MSN: variants seen among roughly 807,000 people sequenced by gnomAD.
MSN encodes moesin.
In MSN, 2 loss-of-function variants were observed where a neutral mutation model predicts 48.0. That is an observed-to-expected ratio of 0.04 (90% CI 0.02 to 0.13). The LOEUF is 0.13. Ranked by LOEUF, MSN falls within the 10% of genes least tolerant of loss-of-function variation. The probability of loss-of-function intolerance (pLI) is 1.00; values close to 1 mark genes in which losing one functional copy is unlikely to be tolerated. For missense variants in MSN, 267 were observed against 470.1 expected, an observed-to-expected ratio of 0.57 and a Z score of 3.99; for synonymous variants, 146 against 166.9, an observed-to-expected ratio of 0.87 and a Z score of 0.97.
chrX:65,672,944 T>G (rs147573051), intron 1 of MSN, among the ~76,000 whole-genome samples: 1,798 of 111,773 alleles, frequency 0.016, 46 homozygotes, highest in African/African-American at 0.055. Context: ...CTTATTAAAA[T>G]GTATCCTCTT....
intron 1 of MSN, among the ~76,000 whole-genome samples, chrX:65,657,410 T>C (rs1247441025): frequency 2.7e-5 from 3 of 109,275 alleles, no homozygotes; most frequent in Non-Finnish European, 5.7e-5. Context: ...TCTGGGCACA[T>C]GCAGACTGGT....
intron 1 of MSN, among the ~76,000 whole-genome samples, chrX:65,702,825 A>G (rs1197281843): frequency 8.9e-6 from 1 of 111,856 alleles, no homozygotes; most frequent in Non-Finnish European, 1.9e-5. Flanking sequence ...CAGAATAAGG[A>G]AGGAAGATCA....
intron 1 of MSN, among the ~76,000 whole-genome samples, chrX:65,655,805 C>T (rs996494613): frequency 3.6e-5 from 4 of 112,106 alleles, no homozygotes; most frequent in African/African-American, 6.5e-5. Flanking sequence ...TTGTTCTTGT[C>T]GCCCAGGCTG....
intron 1 of MSN, among the ~76,000 whole-genome samples, chrX:65,639,592 G>T (rs185252154): frequency 2.7e-5 from 3 of 111,875 alleles, no homozygotes; most frequent in Non-Finnish European, 5.6e-5. Context: ...CAGCATGTGG[G>T]TATTGTGTGT....
At chrX:65,619,816 G>A (rs751311632) in intron 1 of MSN, among the ~76,000 whole-genome samples, 94 of 108,690 alleles carry the variant, frequency 8.6e-4, no homozygotes, top group Non-Finnish European at 1.5e-3. Context: ...CTTCTGTTCC[G>A]TTTTTTCCCC....
intron 1 of MSN, among the ~76,000 whole-genome samples, chrX:65,595,824 T>A (rs1261679638): frequency 3.6e-5 from 4 of 112,375 alleles, no homozygotes; most frequent in African/African-American, 1.3e-4. Context: ...CAGTCTAAAC[T>A]CAGACAGTGA....
intron 1 of MSN, among the ~76,000 whole-genome samples, chrX:65,623,536 C>T (rs1260277376): frequency 9.1e-6 from 1 of 110,042 alleles, no homozygotes; most frequent in Non-Finnish European, 1.9e-5. Context: ...TTTGGCCAGG[C>T]ATAGTGGCTC....
At chrX:65,596,691 T>G (rs1298244671) in intron 1 of MSN, among the ~76,000 whole-genome samples, 1 of 102,792 alleles carries the variant, frequency 9.7e-6, no homozygotes, top group Non-Finnish European at 2.0e-5. Flanking sequence ...AGAAACTCAT[T>G]TATGGAGGGG....
Position 65,629,905 on chromosome X carries a change from G to A in MSN, c.-22+41293G>A, listed in dbSNP as rs561468622. ...TTTAAAGTGTACAATTCACTCAGGC[G>A]AGGTGGCTCACACCTGTAATCCTAG... On this transcript the variant is annotated intron_variant, in intron 1 of 3. Transcript: ENST00000609672. Among the ~76,000 whole-genome samples, 8 of 111,756 alleles carry A rather than the reference G, an allele frequency of 7.2e-5. No homozygotes were observed. The East Asian group carries it at 1.1e-3, about 16-fold the overall frequency.
chrX:65,658,456 G>A (rs2070798121), intron 1 of MSN, among the ~76,000 whole-genome samples: 1 of 112,250 alleles, frequency 8.9e-6, no homozygotes, highest in African/African-American at 3.2e-5. Flanking sequence ...AAACCCAAGA[G>A]CAAATGTGCT....
At chrX:65,727,388 A>G (rs1025772624) in intron 2 of MSN, among the ~76,000 whole-genome samples, 1 of 111,961 alleles carries the variant, frequency 8.9e-6, no homozygotes, top group Non-Finnish European at 1.9e-5. Context: ...GGCAGAAATC[A>G]CTGGATATGC....
chrX:65,644,073 T>G (rs1204433779), intron 1 of MSN, among the ~76,000 whole-genome samples: 1 of 112,013 alleles, frequency 8.9e-6, no homozygotes, highest in Non-Finnish European at 1.9e-5. Context: ...TTGTTCTGCC[T>G]CTCTCACTGG....
At chrX:65,598,507 G>T (rs2070205029) in intron 1 of MSN, among the ~76,000 whole-genome samples, 1 of 111,505 alleles carries the variant, frequency 9.0e-6, no homozygotes, top group African/African-American at 3.3e-5. Flanking sequence ...CCTAGTCCCA[G>T]GCAGCCGCAT....
intron 1 of MSN, among the ~76,000 whole-genome samples, chrX:65,590,783 A>G (rs993443329): frequency 9.1e-6 from 1 of 109,626 alleles, no homozygotes; most frequent in African/African-American, 3.3e-5. Flanking sequence ...CAACTTCACT[A>G]CTATGGAACA....
At chrX:65,658,978 G>A (rs1014774708) in intron 1 of MSN, among the ~76,000 whole-genome samples, 1 of 107,857 alleles carries the variant, frequency 9.3e-6, no homozygotes, top group Admixed American at 1.0e-4. Context: ...CGGAGTAGCT[G>A]GGATTACAGG....
intron 1 of MSN, among the ~76,000 whole-genome samples, chrX:65,673,059 A>G (rs1161038478): frequency 9.0e-6 from 1 of 111,566 alleles, no homozygotes; most frequent in Non-Finnish European, 1.9e-5. Flanking sequence ...TCCAAGAAGA[A>G]TACTGGCTTG....
intron 1 of MSN, among the ~76,000 whole-genome samples, chrX:65,696,564 G>T (rs948753720): frequency 3.6e-5 from 4 of 110,799 alleles, no homozygotes; most frequent in Admixed American, 1.9e-4. Flanking sequence ...TCGGGGCTGG[G>T]GGTAGGATTC....
In MSN at chrX:65,622,510, G is replaced by GTT. The variant is rs1216557190; in HGVS notation, c.-22+33919_-22+33920dup. Among the ~76,000 whole-genome samples the GTT allele has an allele frequency of 1.9e-3, 124 of 66,434 alleles. 2 individuals carry two copies. The highest frequency in any genetic ancestry group is 2.8e-3 in the Non-Finnish European group (87 of 31,524). The allele number at this position is 66,434 out of a possible 115,157, so 57.7% of individuals were successfully genotyped here. On this transcript the variant is annotated intron_variant, in intron 1 of 3. Coordinates refer to the MSN transcript ENST00000609672. ...AGCAGTGATGAAGCTAGGCATCTTT[G>GTT]TTTTTTTTTTTTTTTTTTTTTTCTG...
chrX:65,677,765 A>G (rs998587396), intron 1 of MSN, among the ~76,000 whole-genome samples: 2 of 110,751 alleles, frequency 1.8e-5, no homozygotes, highest in Non-Finnish European at 3.8e-5. Flanking sequence ...CTAAAAAAAA[A>G]GAAAAAAAAA....
Sources: allele counts gnomAD v4.1 joint callset (sites outside exome capture counted in the v4.1 genomes callset), GRCh38; gene constraint gnomAD v4.1.1; transcripts MANE v1.5; gene names NCBI Gene and HGNC (gene_info 2026-07-23, HGNC 2026-07-21).